Variants in UGP2 observed in about 807,000 individuals in gnomAD.
UGP2 encodes the protein UTP--glucose-1-phosphate uridylyltransferase.
Under a neutral mutation model 49.0 loss-of-function variants are expected in UGP2, and 40 were observed. That is an observed-to-expected ratio of 0.82 (90% CI 0.63 to 1.06). The LOEUF is 1.06. Among genes scored for constraint, UGP2 ranks in the 50% least tolerant of loss-of-function variants. UGP2 has a pLI of 0.00. For synonymous variants in UGP2, 225 were observed against 213.0 expected, an observed-to-expected ratio of 1.06 and a Z score of -0.49; for missense variants, 460 against 603.5, an observed-to-expected ratio of 0.76 and a Z score of 2.49.
chr2:63,865,476 T>A (rs1160596846), intron 3 of UGP2, among the ~76,000 whole-genome samples: 1 of 152,062 alleles, frequency 6.6e-6, no homozygotes, highest in Non-Finnish European at 1.5e-5. Context: ...ACTAACAGGC[T>A]TCTACCTAGA....
intron 1 of UGP2, among the ~76,000 whole-genome samples, chr2:63,844,939 T>G (rs561080147): frequency 3.1e-4 from 47 of 152,272 alleles, no homozygotes; most frequent in Admixed American, 1.4e-3. Flanking sequence ...TTAACAACTG[T>G]GGAAATGGCC....
At chr2:63,863,592 AAT>A (rs1465456298) in intron 3 of UGP2, among the ~76,000 whole-genome samples, 2 of 152,252 alleles carry the variant, frequency 1.3e-5, no homozygotes, top group African/African-American at 4.8e-5. Flanking sequence ...AGCAACTTAC[AAT>A]ATGTGTTTTA....
intron 4 of UGP2, among the ~76,000 whole-genome samples, chr2:63,883,706 C>T (rs536025030): frequency 1.3e-5 from 2 of 152,132 alleles, no homozygotes; most frequent in South Asian, 2.1e-4. Flanking sequence ...CTATCTGGGC[C>T]TTAGTTTAGA....
upstream of UGP2, chr2:63,841,580 A>G (rs1558926357): frequency 1.3e-5 from 2 of 152,272 alleles, no homozygotes; most frequent in African/African-American, 2.4e-5. Flanking sequence ...TCGGCCAGCC[A>G]GAGCGTGGAA....
chr2:63,856,298 G>A lies in UGP2; in HGVS notation c.20-8G>A. ...TTTCAGTTGGTGGTTTTATGTTTTT[G>A]TTTTAAGATCTTAGCAAAGCAATGT... On this transcript the variant is annotated splice_region_variant and splice_polypyrimidine_tract_variant and intron_variant, in intron 1 of 9. Transcript: ENST00000337130. The A allele has an allele frequency of 6.2e-7, 1 of 1,608,916 alleles. No individual in the cohort carries two copies. The highest frequency in any genetic ancestry group is 1.7e-4 in the Middle Eastern group (1 of 6,040).
At chr2:63,885,917 T>G (rs1236063298) in intron 6 of UGP2, 31 bp downstream of exon 6, 1 of 1,505,576 alleles carries the variant, frequency 6.6e-7, no homozygotes, top group African/African-American at 1.4e-5. Flanking sequence ...GTTTAGGGCT[T>G]CATGTTTTCA....
In UGP2 at chr2:63,885,624, T is replaced by C; in HGVS notation, c.611T>C (p.Val204Ala). The change falls in exon 6 of 10, where the codon GTA becomes GCA. Residue 204 changes from valine (V) to alanine (A), a missense_variant. Val to Ala is a moderately conservative substitution (Grantham distance 64). Around this residue, in one of 2 missense-constraint regions of UGP2, gnomAD observed 317 missense variants for 473.0 expected, o/e 0.67. Transcript: ENST00000337130. ...PRINKESLLP[V>A]AKDVSYSGEN... ...ATTAATAAAGAATCTTTACTTCCTGTAGCAAAGGACGTGTCTTACTCAGGG... is the reference window on the plus strand; with the variant it reads ...ATTAATAAAGAATCTTTACTTCCTGCAGCAAAGGACGTGTCTTACTCAGGG... 5.1e-6 allele frequency: 8 copies of C among 1,579,370 alleles called. No homozygotes were observed. Among genetic ancestry groups the C allele is most frequent in the Non-Finnish European group, 6.8e-6 (8 of 1,169,194 alleles).
chr2:63,877,203 G>A (rs1012965469), intron 3 of UGP2, among the ~76,000 whole-genome samples: 2 of 152,224 alleles, frequency 1.3e-5, no homozygotes, highest in Non-Finnish European at 2.9e-5. Flanking sequence ...AACAGTAAAT[G>A]GACTTACTTT....
chr2:63,882,668 C>G lies in UGP2; in HGVS notation c.441+17C>G. ...CAAATTGAAGTGAGTAACATTTAGC[C>G]TTTCTCATGAGATACTAAAATAGTT... On this transcript the variant is annotated intron_variant, in intron 4 of 9. Coordinates refer to ENST00000337130, the MANE Select transcript of UGP2 (RefSeq NM_006759.4). 1 of 1,502,984 alleles carries G rather than the reference C, an allele frequency of 6.7e-7. No individual in the cohort carries two copies. The highest frequency in any genetic ancestry group is 9.0e-7 in the Non-Finnish European group (1 of 1,115,520). 93.1% of individuals were successfully genotyped at this position (1,502,984 alleles called of 1,614,324 possible). A position where few individuals can be genotyped will look rare whatever the true frequency, so the allele number is the denominator to read the frequency against.
Position 63,885,796 on chromosome 2 carries a change from G to C in UGP2, c.783G>C (p.Leu261=), listed in dbSNP as rs1476673113. 1 of 1,613,042 alleles carries C rather than the reference G, an allele frequency of 6.2e-7. No homozygotes were observed. The highest frequency in any genetic ancestry group is 8.5e-7 in the Non-Finnish European group (1 of 1,179,696). The stretch of plus-strand genomic sequence containing the variant: ...ATAATCTGGGTGCCACAGTGGATCT[G>C]TATATTCTTAATCATCTAATGAACC... ...NIDNLGATVD[L]YILNHLMNPP... Residue 261 remains leucine, a synonymous_variant, in exon 6 of 10, where the codon CTG becomes CTC. Coordinates refer to ENST00000337130, the MANE Select transcript of UGP2 (RefSeq NM_006759.4).
Position 63,885,824 on chromosome 2 carries a change from C to A in UGP2, c.811C>A (p.Pro271Thr). 6.2e-7 allele frequency: 1 copy of A among 1,605,012 alleles called. No individual in the cohort carries two copies. Among genetic ancestry groups the A allele is most frequent in the African/African-American group, 1.3e-5 (1 of 74,350 alleles). ...TATTCTTAATCATCTAATGAACCCACCCAATGGAAAACGCTGTGAATTTGT... is the reference window on the plus strand; with the variant it reads ...TATTCTTAATCATCTAATGAACCCAACCAATGGAAAACGCTGTGAATTTGT... ...LYILNHLMNP[P>T]NGKRCEFVME... The change falls in exon 6 of 10, where the codon CCC becomes ACC. Residue 271 changes from proline to threonine, a missense_variant. This residue lies in a region of UGP2 where 317 missense variants were observed against 473.0 expected (regional missense o/e 0.67). Transcript: ENST00000337130.
chr2:63,842,724 G>C, intron 1 of UGP2: 1 of 903,128 alleles, frequency 1.1e-6, no homozygotes, highest in South Asian at 2.6e-5. Flanking sequence ...GAAGCTGGAG[G>C]TCATTTCAGC....
chr2:63,843,290 G>A (rs749019691), intron 1 of UGP2, among the ~76,000 whole-genome samples: 1 of 152,160 alleles, frequency 6.6e-6, no homozygotes, highest in Non-Finnish European at 1.5e-5. Context: ...TGCCTTTAGC[G>A]CTAAGCTCAG....
chr2:63,853,369 AAAT>A (rs1669165667), intron 1 of UGP2, among the ~76,000 whole-genome samples: 1 of 152,064 alleles, frequency 6.6e-6, no homozygotes, highest in Admixed American at 6.5e-5. Flanking sequence ...TTATGTCTTG[AAAT>A]AATCAAGATA....
intron 9 of UGP2, among the ~76,000 whole-genome samples, chr2:63,890,823 G>A (rs1672084357): frequency 6.6e-6 from 1 of 151,648 alleles, no homozygotes; most frequent in Non-Finnish European, 1.5e-5. Flanking sequence ...TAATGCTGGT[G>A]GCCTTGCAAG....
chr2:63,858,139 A>G (rs914611284), intron 3 of UGP2, among the ~76,000 whole-genome samples: 20 of 152,132 alleles, frequency 1.3e-4, no homozygotes, highest in African/African-American at 4.8e-4. Flanking sequence ...AGTCTTGCTG[A>G]GGTCCTCTAA....
At position 63,882,468 on chromosome 2, in the gene UGP2, T is replaced by A. The variant is rs772139876; in HGVS notation, c.258T>A (p.Ile86=). The change falls in exon 4 of 10, where the codon ATT becomes ATA. Residue 86 remains isoleucine (I), a splice_region_variant and synonymous_variant. Transcript: ENST00000337130. ...CTATAATGTTATTTTTCTTTCAGAT[T>A]CAACCCTATGAAAAGATAAAGGCCA... ...GKIQRPPEDS[I]QPYEKIKARG... 3.8e-6 allele frequency: 6 copies of A among 1,571,046 alleles called. No individual in the cohort carries two copies. The highest frequency in any genetic ancestry group is 4.3e-6 in the Non-Finnish European group (5 of 1,150,874).
intron 3 of UGP2, among the ~76,000 whole-genome samples, chr2:63,882,090 G>A (rs1327924727): frequency 2.0e-5 from 3 of 152,150 alleles, no homozygotes; most frequent in African/African-American, 7.2e-5. Flanking sequence ...GAAATATTTA[G>A]ACTTGATGAT....
At position 63,885,462 on chromosome 2, in the gene UGP2, T is replaced by TTA; in HGVS notation, c.576-126_576-125dup. ...TTTTCTTAAATGGATTCACCTATAA[T>TTA]TAAATTACTTATTGATAGACTCTGA... On this transcript the variant is annotated intron_variant, in intron 5 of 9. Coordinates refer to ENST00000337130, the MANE Select transcript of UGP2 (RefSeq NM_006759.4). 3 of 773,042 alleles carry TTA rather than the reference T, an allele frequency of 3.9e-6. No homozygotes were observed. The Admixed American group carries it at 1.1e-4, about 28-fold the overall frequency. The allele number at this position is 773,042 out of a possible 1,614,324, so 47.9% of individuals were successfully genotyped here. A position where few individuals can be genotyped will look rare whatever the true frequency, so the allele number is the denominator to read the frequency against.
Sources: allele counts gnomAD v4.1 joint callset (sites outside exome capture counted in the v4.1 genomes callset), GRCh38; gene constraint gnomAD v4.1.1; regional missense constraint gnomAD v4.1.1; transcripts MANE v1.5; gene names NCBI Gene and HGNC (gene_info 2026-07-23, HGNC 2026-07-21).